CEMIP: variants seen among roughly 807,000 people sequenced by gnomAD.
CEMIP encodes cell migration-inducing and hyaluronan-binding protein.
In CEMIP, 105 loss-of-function variants were observed where a neutral mutation model predicts 156.9. That is an observed-to-expected ratio of 0.67 (90% CI 0.57 to 0.79). The LOEUF (loss-of-function observed/expected upper bound fraction) is 0.79, where lower values mean the gene tolerates loss of function less well. Among genes scored for constraint, CEMIP ranks in the 30% least tolerant of loss-of-function variants. CEMIP has a pLI of 0.00. For missense variants in CEMIP, 1,457 were observed against 1,769.4 expected (o/e 0.82, Z 3.17); for synonymous variants, 676 against 668.4 (o/e 1.01, Z -0.17).
rs568409970 is a variant in CEMIP, at chr15:80,948,704, C to T, written c.3959-93C>T. ...GTGTGGCTAGGCGGTACCTGGTGGG[C>T]GTGGGGGGCTGGCGATGGGGAGCCA... On this transcript the variant is annotated intron_variant, in intron 29 of 29. Transcript: ENST00000394685. 7.6e-4 allele frequency: 1,169 copies of T among 1,540,964 alleles called. 3 individuals are homozygous for T. The highest frequency in any genetic ancestry group is 3.3e-3 in the African/African-American group (244 of 73,676).
chr15:80,839,051 A>T (rs957973502), intron 1 of CEMIP, among the ~76,000 whole-genome samples: 3 of 152,102 alleles, frequency 2.0e-5, no homozygotes, highest in African/African-American at 7.2e-5. Context: ...GAGCCCTCTG[A>T]GGTAACAGGA....
intron 13 of CEMIP, among the ~76,000 whole-genome samples, chr15:80,907,889 T>C (rs552826084): frequency 7.9e-5 from 12 of 152,230 alleles, no homozygotes; most frequent in Non-Finnish European, 1.5e-4. Flanking sequence ...GTAAAGCTAA[T>C]ATCACGCACT....
At chr15:80,796,654 A>G (rs1328976908) in intron 1 of CEMIP, among the ~76,000 whole-genome samples, 3 of 152,226 alleles carry the variant, frequency 2.0e-5, no homozygotes, top group Non-Finnish European at 2.9e-5. Context: ...GTAGATCAAT[A>G]AAACCATGAG....
chr15:80,819,588 T>C (rs888840014), intron 1 of CEMIP, among the ~76,000 whole-genome samples: 3 of 152,200 alleles, frequency 2.0e-5, no homozygotes, highest in African/African-American at 4.8e-5. Context: ...CAGCACACCC[T>C]GAGTATTCCC....
At chr15:80,811,299 T>C (rs1896666707) in intron 1 of CEMIP, among the ~76,000 whole-genome samples, 3 of 152,248 alleles carry the variant, frequency 2.0e-5, no homozygotes, top group Admixed American at 2.0e-4. Context: ...AAGTTTTTAC[T>C]GCATCCATCA....
chr15:80,942,474 CG>C, intron 27 of CEMIP, 137 bp downstream of exon 27: 1 of 753,100 alleles, frequency 1.3e-6, no homozygotes, highest in Non-Finnish European at 2.3e-6. Context: ...GGGCTTGGGG[CG>C]GGGAACCTGT....
In CEMIP at chr15:80,895,912, C is replaced by T; in HGVS notation, c.1263C>T (p.Ser421=). The change falls in exon 12 of 30, where the codon AGC becomes AGT. Residue 421 remains serine, a synonymous_variant. Transcript: ENST00000394685. Reference sequence around the variant, plus strand: ...TCACCATTGACACCAATGTGAACAGCACCATTCTGAACTTGGAGGATAATG... The same window carrying T: ...TCACCATTGACACCAATGTGAACAGTACCATTCTGAACTTGGAGGATAATG... ...LTVTIDTNVN[S]TILNLEDNVQ... is the part of the protein sequence containing the mutation. 1 of 1,614,142 alleles carries T rather than the reference C, an allele frequency of 6.2e-7. No homozygotes were observed.
chr15:80,892,257 T>C (rs1185401212), intron 10 of CEMIP, among the ~76,000 whole-genome samples: 1 of 152,062 alleles, frequency 6.6e-6, no homozygotes, highest in East Asian at 1.9e-4. Flanking sequence ...CTAGGCAAGA[T>C]TGGAGGAGGC....
In CEMIP at chr15:80,795,467, T is replaced by C. The variant is rs1323963016; in HGVS notation, c.-176+15853T>C. ...TGCAATGGACAGACAGGATGGTGGA[T>C]TGGACATAGGGTAAGGGAGAGGGAG... On this transcript the variant is annotated intron_variant, in intron 1 of 29. Coordinates refer to ENST00000394685, the MANE Select transcript of CEMIP (RefSeq NM_001293298.2). Among the ~76,000 whole-genome samples the C allele has an allele frequency of 3.9e-5, 6 of 151,920 alleles. No homozygotes were observed. In the East Asian group the frequency reaches 7.8e-4, roughly 20 times the overall value.
intron 1 of CEMIP, among the ~76,000 whole-genome samples, chr15:80,812,429 T>C (rs1896693457): frequency 6.6e-6 from 1 of 152,178 alleles, no homozygotes; most frequent in Admixed American, 6.5e-5. Flanking sequence ...AGACTTGGAT[T>C]CAAATCCTAG....
chr15:80,786,953 G>A (rs1017370539), intron 1 of CEMIP, among the ~76,000 whole-genome samples: 4 of 152,210 alleles, frequency 2.6e-5, no homozygotes, highest in African/African-American at 9.6e-5. Context: ...ATGTCAAAAA[G>A]CCAAATTTGA....
intron 16 of CEMIP, 34 bp from the exon 17 acceptor site, chr15:80,921,975 G>C: frequency 6.2e-7 from 1 of 1,613,448 alleles, no homozygotes; most frequent in Non-Finnish European, 8.5e-7. Flanking sequence ...GGGGCTGAAC[G>C]CTGTGGCTTT....
chr15:80,810,744 C>T (rs558402532), intron 1 of CEMIP, among the ~76,000 whole-genome samples: 1 of 152,216 alleles, frequency 6.6e-6, no homozygotes, highest in South Asian at 2.1e-4. Context: ...ACCTATCCAC[C>T]CACTAGTCTC....
intron 1 of CEMIP, among the ~76,000 whole-genome samples, chr15:80,847,395 TG>T (rs1281358043): frequency 2.6e-5 from 4 of 152,202 alleles, no homozygotes; most frequent in Non-Finnish European, 5.9e-5. Flanking sequence ...TAGGGCTTTA[TG>T]GGAAGCATCA....
chr15:80,835,897 A>G (rs1003864271), intron 1 of CEMIP, among the ~76,000 whole-genome samples: 17 of 152,290 alleles, frequency 1.1e-4, no homozygotes, highest in Admixed American at 2.6e-4. Flanking sequence ...AAAATAAAAC[A>G]TAATAAAATT....
chr15:80,792,980 A>G lies in CEMIP; in HGVS notation c.-176+13366A>G, dbSNP rs147972153. Among the ~76,000 whole-genome samples, 257 of 152,322 alleles carry G rather than the reference A, an allele frequency of 1.7e-3. 1 individual carries two copies. In the Middle Eastern group the frequency reaches 0.017, roughly 10 times the overall value. ...TACAGTCACTTTATAAGTGCTTTAC[A>G]TATATTGGTAGGACACAGAATAGAG... On this transcript the variant is annotated intron_variant, in intron 1 of 29. Coordinates refer to ENST00000394685, the MANE Select transcript of CEMIP (RefSeq NM_001293298.2).
intron 23 of CEMIP, 124 bp downstream of exon 23, chr15:80,933,584 TTTTC>T: frequency 2.7e-6 from 2 of 735,536 alleles, no homozygotes; most frequent in Non-Finnish European, 4.3e-6. Context: ...TTTTTTTTCT[TTTTC>T]TTTCTTTCCT....
At chr15:80,888,620 G>A (rs980292011) in intron 8 of CEMIP, 81 bp from the exon 9 acceptor site, 1 of 1,072,078 alleles carries the variant, frequency 9.3e-7, no homozygotes, top group Non-Finnish European at 1.5e-6. Context: ...ATGTGCGTAG[G>A]GGGGTTTCCT....
chr15:80,943,280 G>A (rs866297722), intron 28 of CEMIP, among the ~76,000 whole-genome samples, 178 bp downstream of exon 28: 1 of 152,228 alleles, frequency 6.6e-6, no homozygotes, highest in South Asian at 2.1e-4. Context: ...TGTGGACTCT[G>A]GTGTTGGAGC....
Sources: allele counts gnomAD v4.1 joint callset (sites outside exome capture counted in the v4.1 genomes callset), GRCh38; gene constraint gnomAD v4.1.1; transcripts MANE v1.5; gene names NCBI Gene and HGNC (gene_info 2026-07-23, HGNC 2026-07-21).